The following FBXW11 variants were observed in gnomAD, a reference collection of about 807,000 sequenced individuals.
The protein encoded by FBXW11 is F-box/WD repeat-containing protein 11.
In FBXW11, 19 loss-of-function variants were observed where a neutral mutation model predicts 77.6. The observed-to-expected ratio is 0.24, with a 90% CI of 0.17 to 0.36. The LOEUF (loss-of-function observed/expected upper bound fraction) is 0.36, where lower values mean the gene tolerates loss of function less well. Ranked by LOEUF, FBXW11 falls within the 10% of genes least tolerant of loss-of-function variation. The pLI is 1.00. For missense variants in FBXW11, 334 were observed against 704.2 expected (o/e 0.47, Z 5.95); for synonymous variants, 235 against 249.4 (o/e 0.94, Z 0.54).
At chr5:171,868,509 A>G in intron 13 of FBXW11, 101 bp downstream of exon 13, 1 of 904,764 alleles carries the variant, frequency 1.1e-6, no homozygotes, top group South Asian at 1.6e-5. Flanking sequence ...TCTAAGAGAG[A>G]CCTTGGTTCA....
At chr5:171,967,742 G>A (rs1764272468) in intron 1 of FBXW11, among the ~76,000 whole-genome samples, 1 of 151,660 alleles carries the variant, frequency 6.6e-6, no homozygotes, top group African/African-American at 2.4e-5. Context: ...AGGAGGTTGA[G>A]GCAGGAGAAT....
chr5:171,982,229 T>C (rs1289827296), intron 1 of FBXW11, among the ~76,000 whole-genome samples: 1 of 152,098 alleles, frequency 6.6e-6, no homozygotes, highest in Admixed American at 6.6e-5. Flanking sequence ...ACGCACCCAT[T>C]AGAAGGGTTA....
At chr5:171,931,632 T>A (rs1237900761) in intron 2 of FBXW11, among the ~76,000 whole-genome samples, 1 of 152,174 alleles carries the variant, frequency 6.6e-6, no homozygotes, top group Non-Finnish European at 1.5e-5. Context: ...TTCTTAGACA[T>A]ATCAAAGGCA....
rs900004321 is a variant in FBXW11 at position 171,952,741 on chromosome 5, C to T, written c.147+4856G>A. On this transcript the variant is annotated intron_variant, in intron 2 of 13. Transcript: ENST00000517395. ...CTGGGATTACTGGCGTGAGCCACCG[C>T]GCCCAGCCTATTTATATATTTTTTA... 4.0e-5 allele frequency among the ~76,000 whole-genome samples: 6 copies of T among 151,716 alleles called. No individual in the cohort carries two copies. The South Asian group carries it at 6.3e-4, about 16-fold the overall frequency.
intron 2 of FBXW11, among the ~76,000 whole-genome samples, chr5:171,932,789 G>C (rs1762280810): frequency 6.6e-6 from 1 of 151,678 alleles, no homozygotes; most frequent in Non-Finnish European, 1.5e-5. Context: ...GCTAAAACTT[G>C]GAAGCAGCCA....
intron 2 of FBXW11, among the ~76,000 whole-genome samples, chr5:171,945,372 T>A (rs1762955779): frequency 6.6e-6 from 1 of 152,190 alleles, no homozygotes; most frequent in Admixed American, 6.5e-5. Flanking sequence ...TAAGAGGCAG[T>A]AAGGTATAAT....
intron 1 of FBXW11, among the ~76,000 whole-genome samples, chr5:171,991,677 T>C (rs1323479778): frequency 6.6e-6 from 1 of 152,232 alleles, no homozygotes; most frequent in Non-Finnish European, 1.5e-5. Context: ...TGAGTTTGCA[T>C]AAATGTACAT....
At chr5:171,930,740 T>TA (rs1365151810) in intron 2 of FBXW11, among the ~76,000 whole-genome samples, 5 of 47,010 alleles carry the variant, frequency 1.1e-4, no homozygotes, top group East Asian at 4.9e-4. Flanking sequence ...AAATAAAAAA[T>TA]AAAAAATAAA....
intron 2 of FBXW11, among the ~76,000 whole-genome samples, chr5:171,919,258 T>C (rs1465415255): frequency 1.3e-5 from 2 of 152,200 alleles, no homozygotes; most frequent in Non-Finnish European, 2.9e-5. Context: ...AGATGGAGCC[T>C]AGGCATACGT....
At chr5:171,927,383 G>A (rs1761949166) in intron 2 of FBXW11, among the ~76,000 whole-genome samples, 1 of 152,116 alleles carries the variant, frequency 6.6e-6, no homozygotes, top group African/African-American at 2.4e-5. Flanking sequence ...GAAAAGAGTG[G>A]CAATACACAC....
At chr5:171,887,005 C>A (rs1328316077) in intron 7 of FBXW11, among the ~76,000 whole-genome samples, 1 of 151,622 alleles carries the variant, frequency 6.6e-6, no homozygotes, top group South Asian at 2.1e-4. Flanking sequence ...GGTGACAGAG[C>A]GAGACTCTGT....
intron 7 of FBXW11, among the ~76,000 whole-genome samples, chr5:171,879,841 C>A (rs1758385559): frequency 6.6e-6 from 1 of 152,064 alleles, no homozygotes; most frequent in African/African-American, 2.4e-5. Flanking sequence ...TTCAAGAGTT[C>A]TTTGTATGTC....
Position 171,876,205 on chromosome 5 carries a change from G to C in FBXW11, c.1221+80C>G, listed in dbSNP as rs1346841563. On this transcript the variant is annotated intron_variant, in intron 9 of 13. Coordinates refer to ENST00000517395, the MANE Select transcript of FBXW11 (RefSeq NM_001378974.1). This position sits in a 1 kb window ranked among gnomAD's most constrained non-coding sequence, Gnocchi z 4.2. ...GAATAAAGATCTTGCCAGGTACCAGGTTGGTATAAGCCACCTCTGCTTTGT... is the reference window on the plus strand; with the variant it reads ...GAATAAAGATCTTGCCAGGTACCAGCTTGGTATAAGCCACCTCTGCTTTGT... 1 of 1,535,978 alleles carries C rather than the reference G, an allele frequency of 6.5e-7. No homozygotes were observed. The highest frequency in any genetic ancestry group is 8.9e-7 in the Non-Finnish European group (1 of 1,121,986).
At chr5:171,872,529 TTAGG>T (rs1757816087) in intron 10 of FBXW11, among the ~76,000 whole-genome samples, 1 of 152,070 alleles carries the variant, frequency 6.6e-6, no homozygotes, top group Non-Finnish European at 1.5e-5. Context: ...CTCCCATGTG[TTAGG>T]TAGGGAGGTG....
intron 6 of FBXW11, among the ~76,000 whole-genome samples, chr5:171,893,204 GA>G (rs969556518): frequency 1.8e-4 from 28 of 151,870 alleles, no homozygotes; most frequent in African/African-American, 6.8e-4. Context: ...AAGAGTCCTG[GA>G]AATACGGTAT....
At chr5:171,944,574 C>CAGAAAA (rs1762912783) in intron 2 of FBXW11, among the ~76,000 whole-genome samples, 1 of 80,566 alleles carries the variant, frequency 1.2e-5, no homozygotes, top group Non-Finnish European at 2.2e-5. Context: ...GACTCCATCT[C>CAGAAAA]AAAAAAAAAA....
intron 5 of FBXW11, 99 bp from the exon 6 acceptor site, chr5:171,899,193 A>C: frequency 1.3e-6 from 1 of 771,198 alleles, no homozygotes; most frequent in Non-Finnish European, 2.1e-6. Flanking sequence ...CATGTCTTTT[A>C]ATTTGCATTG....
At chr5:171,967,867 TATATATATATATATATACACAC>T (rs1427265827) in intron 1 of FBXW11, among the ~76,000 whole-genome samples, 1 of 25,678 alleles carries the variant, frequency 3.9e-5, no homozygotes, top group African/African-American at 8.4e-5. Flanking sequence ...TATATATATA[TATATATATATATATATACACAC>T]ACACACACAC....
chr5:171,897,010 A>C (rs1028842088), intron 6 of FBXW11, among the ~76,000 whole-genome samples: 1 of 152,184 alleles, frequency 6.6e-6, no homozygotes, highest in Non-Finnish European at 1.5e-5. Context: ...AGGTGGTAGC[A>C]GTGGTCTATT....
Sources: gnomAD v4.1 joint callset for allele counts (sites outside exome capture counted in the v4.1 genomes callset) on GRCh38, gnomAD v4.1.1 for gene constraint, Gnocchi (gnomAD v3.1) non-coding constraint, MANE v1.5 for transcripts, NCBI Gene and HGNC (gene_info 2026-07-23, HGNC 2026-07-21) for gene names.